CNTN5: variants seen among roughly 807,000 people sequenced by gnomAD.
CNTN5 encodes contactin 5.
In CNTN5, 77 loss-of-function variants were observed where a neutral mutation model predicts 129.1. The observed-to-expected ratio is 0.60, with a 90% CI of 0.50 to 0.72. The LOEUF (loss-of-function observed/expected upper bound fraction) is 0.72, where lower values mean the gene tolerates loss of function less well. Among genes scored for constraint, CNTN5 ranks in the 30% least tolerant of loss-of-function variants. The pLI, the probability that CNTN5 is intolerant of heterozygous loss-of-function variation, is 0.00. For synonymous variants in CNTN5, 509 were observed against 465.6 expected (o/e 1.09, Z -1.20); for missense variants, 1,478 against 1,328.8 (o/e 1.11, Z -1.75).
At chr11:99,106,824 C>T (rs1314607912) in intron 1 of CNTN5, among the ~76,000 whole-genome samples, 1 of 151,974 alleles carries the variant, frequency 6.6e-6, no homozygotes, top group East Asian at 1.9e-4. Flanking sequence ...CATGATCGTT[C>T]CTCTAAAGAG....
chr11:99,451,483 C>T (rs969984625), intron 2 of CNTN5, among the ~76,000 whole-genome samples: 1 of 152,050 alleles, frequency 6.6e-6, no homozygotes. Flanking sequence ...TCTGAAATCT[C>T]AGAAGTTTCA....
intron 21 of CNTN5, among the ~76,000 whole-genome samples, chr11:100,333,408 G>GA (rs547220238): frequency 0.032 from 2,388 of 74,286 alleles, 125 homozygotes; most frequent in East Asian, 0.19. Flanking sequence ...CACTGAATTA[G>GA]AAAAAAAAAA....
intron 1 of CNTN5, among the ~76,000 whole-genome samples, chr11:99,088,185 T>G (rs1181379534): frequency 2.0e-5 from 3 of 152,178 alleles, no homozygotes; most frequent in Non-Finnish European, 4.4e-5. Context: ...GAGGTCAGTG[T>G]CTTTTTTCTA....
chr11:99,227,392 G>A (rs1860749918), intron 1 of CNTN5, among the ~76,000 whole-genome samples: 1 of 151,144 alleles, frequency 6.6e-6, no homozygotes, highest in Non-Finnish European at 1.5e-5. Context: ...ATTATGATAA[G>A]CCTAATAAAA....
chr11:99,153,935 C>G (rs368498663), intron 1 of CNTN5, among the ~76,000 whole-genome samples: 119 of 151,350 alleles, frequency 7.9e-4, no homozygotes, highest in African/African-American at 2.8e-3. Context: ...CTCAGTACTC[C>G]TGGGCTGCAT....
chr11:99,965,246 T>C (rs1400120832), intron 8 of CNTN5, among the ~76,000 whole-genome samples: 1 of 152,202 alleles, frequency 6.6e-6, no homozygotes, highest in African/African-American at 2.4e-5. Flanking sequence ...CTTTTAATTG[T>C]GATGTTAGGG....
At chr11:99,364,027 A>T (rs1464651630) in intron 2 of CNTN5, among the ~76,000 whole-genome samples, 1 of 152,142 alleles carries the variant, frequency 6.6e-6, no homozygotes, top group Non-Finnish European at 1.5e-5. Flanking sequence ...CACTGAAAAG[A>T]ATCAAGATTT....
At chr11:99,160,341 G>A (rs12279668) in intron 1 of CNTN5, among the ~76,000 whole-genome samples, 5,539 of 152,206 alleles carry the variant, frequency 0.036, 343 homozygotes, top group African/African-American at 0.12. Context: ...GTTTTGTTTA[G>A]TTTAGCATAT....
chr11:99,238,310 AT>A (rs1286070740), intron 1 of CNTN5, among the ~76,000 whole-genome samples: 3 of 152,186 alleles, frequency 2.0e-5, no homozygotes, highest in African/African-American at 7.2e-5. Context: ...ATTGGTTTAT[AT>A]AAAAAACATG....
intron 3 of CNTN5, among the ~76,000 whole-genome samples, chr11:99,608,566 A>G (rs544587815): frequency 5.9e-5 from 9 of 152,296 alleles, no homozygotes; most frequent in African/African-American, 2.2e-4. Flanking sequence ...CACAGAAACA[A>G]ACATGCATAA....
At chr11:99,370,584 G>C (rs983710483) in intron 2 of CNTN5, among the ~76,000 whole-genome samples, 3 of 152,090 alleles carry the variant, frequency 2.0e-5, no homozygotes, top group Non-Finnish European at 4.4e-5. Flanking sequence ...GAAGTTCTTT[G>C]TCTTTGTTTA....
intron 3 of CNTN5, among the ~76,000 whole-genome samples, chr11:99,711,726 G>A (rs1367469320): frequency 1.3e-5 from 2 of 151,942 alleles, no homozygotes; most frequent in East Asian, 1.9e-4. Flanking sequence ...GTGAGACCAT[G>A]CGGTGTTTGG....
intron 3 of CNTN5, among the ~76,000 whole-genome samples, chr11:99,634,795 G>A (rs1297258407): frequency 6.6e-6 from 1 of 152,156 alleles, no homozygotes; most frequent in African/African-American, 2.4e-5. Context: ...AACGGAGATG[G>A]ATTGGAACAG....
intron 7 of CNTN5, among the ~76,000 whole-genome samples, chr11:99,945,431 T>C (rs1434036852): frequency 6.6e-6 from 1 of 151,832 alleles, no homozygotes; most frequent in Non-Finnish European, 1.5e-5. Context: ...TTTTTTAGAA[T>C]GACTGCTAGG....
chr11:99,491,515 A>G (rs1946035535), intron 2 of CNTN5, among the ~76,000 whole-genome samples: 2 of 152,150 alleles, frequency 1.3e-5, no homozygotes, highest in African/African-American at 4.8e-5. Flanking sequence ...CAAATTTCAC[A>G]AGGTGGATAC....
chr11:99,116,369 A>G (rs112017005), intron 1 of CNTN5, among the ~76,000 whole-genome samples: 579 of 152,282 alleles, frequency 3.8e-3, no homozygotes, highest in African/African-American at 0.013. Flanking sequence ...TTTAAGTTCA[A>G]TTCTATTATG....
chr11:99,445,548 ATTAAT>A (rs1944027834), intron 2 of CNTN5, among the ~76,000 whole-genome samples: 1 of 152,174 alleles, frequency 6.6e-6, no homozygotes, highest in African/African-American at 2.4e-5. Flanking sequence ...CTTTACTAAC[ATTAAT>A]TTATCTTTCC....
chr11:99,555,680 C>G (rs1200180428), intron 2 of CNTN5, among the ~76,000 whole-genome samples: 2 of 151,564 alleles, frequency 1.3e-5, no homozygotes, highest in Non-Finnish European at 3.0e-5. Flanking sequence ...AGAAAAATTC[C>G]CTGTGGTGGT....
At chr11:99,397,914 A>T (rs1299445208) in intron 2 of CNTN5, among the ~76,000 whole-genome samples, 1 of 151,900 alleles carries the variant, frequency 6.6e-6, no homozygotes, top group Non-Finnish European at 1.5e-5. Flanking sequence ...GATCAAGGGA[A>T]TATATGAGTG....
Sources: allele counts gnomAD v4.1 joint callset (sites outside exome capture counted in the v4.1 genomes callset), GRCh38; gene constraint gnomAD v4.1.1; transcripts MANE v1.5; gene names NCBI Gene and HGNC (gene_info 2026-07-23, HGNC 2026-07-21).